ACBD6: variants seen among roughly 807,000 people sequenced by gnomAD.
ACBD6 encodes acyl-CoA binding domain containing 6, also known as acyl-CoA-binding domain-containing protein 6.
A neutral mutation model predicts 37.2 loss-of-function variants in ACBD6; 28 were observed. That is an observed-to-expected ratio of 0.75 (90% CI 0.56 to 1.03). The LOEUF (loss-of-function observed/expected upper bound fraction) is 1.03, where lower values mean the gene tolerates loss of function less well. ACBD6 is among the 50% of genes least tolerant of loss of function. The pLI is 0.00. For missense variants in ACBD6, 340 were observed against 337.4 expected, an observed-to-expected ratio of 1.01 and a Z score of -0.06; for synonymous variants, 113 against 126.8, an observed-to-expected ratio of 0.89 and a Z score of 0.73.
chr1:180,286,009 A>G (rs980338256), downstream of ACBD6, among the ~76,000 whole-genome samples: 5 of 152,194 alleles, frequency 3.3e-5, no homozygotes, highest in African/African-American at 9.6e-5. Flanking sequence ...ACTTTTCAAG[A>G]TATCTCATGT....
At chr1:180,298,922 T>G (rs939894697) in intron 7 of ACBD6, among the ~76,000 whole-genome samples, 3 of 152,236 alleles carry the variant, frequency 2.0e-5, no homozygotes, top group Admixed American at 6.5e-5. Context: ...TATCCTGATA[T>G]GAGGAGGCCA....
At position 180,288,360 on chromosome 1, in the gene ACBD6, T is replaced by C; in HGVS notation, c.*3A>G. 1 of 1,613,714 alleles carries C rather than the reference T, an allele frequency of 6.2e-7. No homozygotes were observed. Among genetic ancestry groups the C allele is most frequent in the Non-Finnish European group, 8.5e-7 (1 of 1,179,950 alleles). On this transcript the variant is annotated 3_prime_UTR_variant, in exon 8 of 8. Transcript: ENST00000367595. ...TACAGACTGCAGTTTTCCAGTCTTT[T>C]GATTAAGCCTTGCCAGTTGTGTGCC... is the stretch of plus-strand genomic sequence containing the variant.
chr1:180,440,483 T>C (rs1379629962), intron 3 of ACBD6, among the ~76,000 whole-genome samples: 2 of 152,218 alleles, frequency 1.3e-5, no homozygotes, highest in East Asian at 3.8e-4. Context: ...CAGTTTAACA[T>C]GTACAATTGA....
chr1:180,339,414 A>G (rs986827596), intron 6 of ACBD6, among the ~76,000 whole-genome samples: 2 of 152,262 alleles, frequency 1.3e-5, no homozygotes, highest in African/African-American at 4.8e-5. Flanking sequence ...CGTCATTCTC[A>G]GCAAACTATT....
chr1:180,460,447 G>A (rs1196973933), intron 3 of ACBD6, among the ~76,000 whole-genome samples: 1 of 152,136 alleles, frequency 6.6e-6, no homozygotes, highest in African/African-American at 2.4e-5. Context: ...CTTTAAGCAG[G>A]TCCCTGATCC....
At chr1:180,431,936 T>C (rs527501449) in intron 3 of ACBD6, among the ~76,000 whole-genome samples, 11 of 152,228 alleles carry the variant, frequency 7.2e-5, no homozygotes, top group Admixed American at 6.5e-4. Context: ...CCAGGTGCAA[T>C]GGCTCACACC....
At chr1:180,339,047 A>T (rs932621121) in intron 6 of ACBD6, among the ~76,000 whole-genome samples, 1 of 152,236 alleles carries the variant, frequency 6.6e-6, no homozygotes, top group African/African-American at 2.4e-5. Context: ...GCTAGAGAGG[A>T]TGTGGAGAAA....
intron 3 of ACBD6, among the ~76,000 whole-genome samples, chr1:180,486,506 G>A (rs887008106): frequency 3.9e-5 from 6 of 152,070 alleles, no homozygotes; most frequent in African/African-American, 1.4e-4. Context: ...TCTTGACAAC[G>A]AATAAATAAA....
chr1:180,403,554 C>T (rs1283581821), intron 5 of ACBD6, among the ~76,000 whole-genome samples: 1 of 152,020 alleles, frequency 6.6e-6, no homozygotes, highest in African/African-American at 2.4e-5. Context: ...TTGTAAAATT[C>T]AACTTCTCTG....
intron 6 of ACBD6, among the ~76,000 whole-genome samples, chr1:180,340,234 A>G (rs904578376): frequency 1.3e-5 from 2 of 152,176 alleles, no homozygotes; most frequent in African/African-American, 4.8e-5. Flanking sequence ...AGACCACTGA[A>G]GGGTTGTGAG....
intron 3 of ACBD6, among the ~76,000 whole-genome samples, chr1:180,442,734 T>C (rs1020295048): frequency 6.6e-6 from 1 of 152,220 alleles, no homozygotes; most frequent in Non-Finnish European, 1.5e-5. Context: ...TCTTATGCAA[T>C]GTCTAATCTG....
intron 6 of ACBD6, among the ~76,000 whole-genome samples, chr1:180,373,874 A>G (rs1240862489): frequency 6.6e-6 from 1 of 152,172 alleles, no homozygotes; most frequent in East Asian, 1.9e-4. Context: ...ATCAATTGAT[A>G]TTTTTGATGT....
chr1:180,299,199 C>G (rs776300568), intron 7 of ACBD6, among the ~76,000 whole-genome samples: 7 of 152,176 alleles, frequency 4.6e-5, no homozygotes, highest in Non-Finnish European at 7.3e-5. Context: ...AAACACAAGT[C>G]ATAATGTAGA....
At chr1:180,430,068 A>G (rs903403471) in intron 4 of ACBD6, 112 bp downstream of exon 4, 8 of 895,438 alleles carry the variant, frequency 8.9e-6, no homozygotes, top group Non-Finnish European at 1.2e-5. Context: ...TGAAGATTTC[A>G]GGATTAAAAA....
downstream of ACBD6, chr1:180,288,182 T>G: frequency 1.3e-6 from 1 of 770,146 alleles, no homozygotes; most frequent in Non-Finnish European, 2.1e-6. Context: ...ACCAAAACTG[T>G]ACTGCCTAGA....
At chr1:180,304,869 T>G (rs571374203) in intron 7 of ACBD6, among the ~76,000 whole-genome samples, 117 of 152,100 alleles carry the variant, frequency 7.7e-4, no homozygotes, top group African/African-American at 2.8e-3. Flanking sequence ...AAGGCTACAG[T>G]AACCAAAACA....
At chr1:180,392,324 T>C (rs1434806781) in intron 6 of ACBD6, among the ~76,000 whole-genome samples, 3 of 152,046 alleles carry the variant, frequency 2.0e-5, no homozygotes, top group African/African-American at 7.2e-5. Flanking sequence ...TTAAGATTTG[T>C]GTACATTACC....
At position 180,397,450 on chromosome 1, in the gene ACBD6, T is replaced by C. The variant is rs562390856; in HGVS notation, c.663+66A>G. The C allele has an allele frequency of 1.3e-5, 18 of 1,389,610 alleles. No individual in the cohort carries two copies. In the African/African-American group the frequency reaches 2.4e-4, roughly 19 times the overall value. 86.1% of individuals were successfully genotyped at this position (1,389,610 alleles called of 1,614,324 possible). A position where few individuals can be genotyped will look rare whatever the true frequency, so the allele number is the denominator to read the frequency against. ...GCACATTTCAAAAGAGTTAATCTGG[T>C]AAATTTTATGTTATGCGAATTATAC... is the stretch of plus-strand genomic sequence containing the variant. On this transcript the variant is annotated intron_variant, in intron 6 of 7. Coordinates refer to ENST00000367595, the MANE Select transcript of ACBD6 (RefSeq NM_032360.4).
chr1:180,388,903 A>G (rs188711168), intron 6 of ACBD6, among the ~76,000 whole-genome samples: 6 of 152,374 alleles, frequency 3.9e-5, no homozygotes, highest in African/African-American at 9.6e-5. Context: ...CAAATGAAAG[A>G]AATTAAATAA....
Sources: allele counts gnomAD v4.1 joint callset (sites outside exome capture counted in the v4.1 genomes callset), GRCh38; gene constraint gnomAD v4.1.1; transcripts MANE v1.5; gene names NCBI Gene and HGNC (gene_info 2026-07-23, HGNC 2026-07-21).